Variants in MARCHF4 observed in about 807,000 individuals in gnomAD.
The protein encoded by MARCHF4 is membrane associated ring-CH-type finger 4.
MARCHF4 carries 14 observed loss-of-function variants against 43.9 expected under a neutral mutation model. The observed-to-expected ratio is 0.32, with a 90% CI of 0.21 to 0.50. The LOEUF (loss-of-function observed/expected upper bound fraction) is 0.50, where lower values mean the gene tolerates loss of function less well. Among genes scored for constraint, MARCHF4 ranks in the 20% least tolerant of loss-of-function variants. The pLI is 0.98. For synonymous variants in MARCHF4, 226 were observed against 213.3 expected, an observed-to-expected ratio of 1.06 and a Z score of -0.52; for missense variants, 468 against 536.7, an observed-to-expected ratio of 0.87 and a Z score of 1.27.
At chr2:216,369,643 TACTAAAG>T in intron 1 of MARCHF4, 95 bp downstream of exon 1, 2 of 950,014 alleles carry the variant, frequency 2.1e-6, no homozygotes. Context: ...AGAGTCCTCA[TACTAAAG>T]ACAATATAAC....
rs547410522 is a variant in MARCHF4 at position 216,315,065 on chromosome 2, TA to T, written c.517-31337del. On this transcript the variant is annotated intron_variant, in intron 1 of 3. Transcript: ENST00000273067. ...AATGTCAATATATTATTGTCCTTAC[TA>T]GATTGAAAGTACTTAAAACTAAATA... is the stretch of plus-strand genomic sequence containing the variant. Among the ~76,000 whole-genome samples the T allele has an allele frequency of 5.1e-4, 78 of 152,292 alleles. 2 individuals carry two copies. In the Middle Eastern group the frequency reaches 0.01, roughly 20 times the overall value.
intron 1 of MARCHF4, among the ~76,000 whole-genome samples, chr2:216,365,620 T>C (rs1441165826): frequency 6.6e-6 from 1 of 152,250 alleles, no homozygotes; most frequent in Admixed American, 6.5e-5. Context: ...CTATTTCTTC[T>C]CACTTGGTCT....
chr2:216,293,657 A>C lies in MARCHF4; in HGVS notation c.517-9928T>G, dbSNP rs1417469814. ...CCTCCAAACTATGTTTTTCATTTTC[A>C]CAATAATTATTTTGTTCCTACAGTG... is the stretch of plus-strand genomic sequence containing the variant. On this transcript the variant is annotated intron_variant, in intron 1 of 3. Coordinates refer to ENST00000273067, the MANE Select transcript of MARCHF4 (RefSeq NM_020814.3). Among the ~76,000 whole-genome samples the C allele has an allele frequency of 8.2e-5, 7 of 85,008 alleles. 2 individuals carry two copies. Among genetic ancestry groups the C allele is most frequent in the Non-Finnish European group, 2.5e-4 (7 of 28,538 alleles). The allele number at this position is 85,008 out of a possible 152,430, so 55.8% of individuals were successfully genotyped here. A position where few individuals can be genotyped will look rare whatever the true frequency, so the allele number is the denominator to read the frequency against.
chr2:216,348,328 C>A (rs1404145712), intron 1 of MARCHF4, among the ~76,000 whole-genome samples: 1 of 152,040 alleles, frequency 6.6e-6, no homozygotes, highest in African/African-American at 2.4e-5. Flanking sequence ...CATGAGCCAC[C>A]GTGCCTGGCC....
At position 216,299,257 on chromosome 2, in the gene MARCHF4, G is replaced by T. The variant is rs538925781; in HGVS notation, c.517-15528C>A. Among the ~76,000 whole-genome samples the T allele has an allele frequency of 2.6e-5, 4 of 152,260 alleles. No homozygotes were observed. The South Asian group carries it at 8.3e-4, about 32-fold the overall frequency. On this transcript the variant is annotated intron_variant, in intron 1 of 3. Coordinates refer to ENST00000273067, the MANE Select transcript of MARCHF4 (RefSeq NM_020814.3). ...TCTCAGCCATGAAAGAGAACCAGGGGGTGCCTTGCCAGCTGGAGGCTGCAG... is the reference window on the plus strand; with the variant it reads ...TCTCAGCCATGAAAGAGAACCAGGGTGTGCCTTGCCAGCTGGAGGCTGCAG...
At chr2:216,363,904 AT>A (rs1331809896) in intron 1 of MARCHF4, among the ~76,000 whole-genome samples, 1 of 152,158 alleles carries the variant, frequency 6.6e-6, no homozygotes, top group African/African-American at 2.4e-5. Flanking sequence ...GACCCCTTGA[AT>A]TGGAGAGGCT....
At chr2:216,290,302 G>C (rs1196809935) in intron 1 of MARCHF4, among the ~76,000 whole-genome samples, 1 of 152,152 alleles carries the variant, frequency 6.6e-6, no homozygotes, top group East Asian at 1.9e-4. Flanking sequence ...GTTATTTGGG[G>C]GCTGAGCATT....
At chr2:216,274,718 G>T (rs941368532) in intron 3 of MARCHF4, among the ~76,000 whole-genome samples, 2 of 152,104 alleles carry the variant, frequency 1.3e-5, no homozygotes, top group African/African-American at 4.8e-5. Context: ...TTTCCCCTGT[G>T]GACAGCCTTT....
At chr2:216,318,738 G>A (rs1008057543) in intron 1 of MARCHF4, among the ~76,000 whole-genome samples, 1 of 152,138 alleles carries the variant, frequency 6.6e-6, no homozygotes, top group Non-Finnish European at 1.5e-5. Context: ...CCAGGGCCTT[G>A]CTGTCATGAT....
intron 1 of MARCHF4, among the ~76,000 whole-genome samples, chr2:216,331,192 C>A (rs545397192): frequency 2.6e-5 from 4 of 151,918 alleles, no homozygotes; most frequent in African/African-American, 7.2e-5. Context: ...CACCGCAAAC[C>A]TTTCAGACAC....
chr2:216,317,886 AG>A (rs2105960928), intron 1 of MARCHF4, among the ~76,000 whole-genome samples: 1 of 152,334 alleles, frequency 6.6e-6, no homozygotes, highest in South Asian at 2.1e-4. Flanking sequence ...GTGCTGATGG[AG>A]GACAATAGAA....
At chr2:216,347,859 A>G (rs957151265) in intron 1 of MARCHF4, among the ~76,000 whole-genome samples, 3 of 145,712 alleles carry the variant, frequency 2.1e-5, no homozygotes, top group African/African-American at 7.7e-5. Flanking sequence ...ATTTTGAACT[A>G]CTTCCAGACT....
chr2:216,355,939 C>T (rs1692495151), intron 1 of MARCHF4, among the ~76,000 whole-genome samples: 1 of 152,182 alleles, frequency 6.6e-6, no homozygotes, highest in Non-Finnish European at 1.5e-5. Context: ...GACGCCTCTA[C>T]ACCCTCACCA....
chr2:216,359,150 T>C (rs1002741661), intron 1 of MARCHF4, among the ~76,000 whole-genome samples: 10 of 152,174 alleles, frequency 6.6e-5, no homozygotes, highest in Non-Finnish European at 1.3e-4. Context: ...GGTCAGACTT[T>C]CCCATCTTGC....
intron 1 of MARCHF4, among the ~76,000 whole-genome samples, chr2:216,297,204 G>T (rs1691410599): frequency 6.6e-6 from 1 of 152,158 alleles, no homozygotes. Flanking sequence ...CTGTTTCAAA[G>T]AATTCTACAT....
chr2:216,335,553 A>G (rs1422224516), intron 1 of MARCHF4, among the ~76,000 whole-genome samples: 2 of 152,204 alleles, frequency 1.3e-5, no homozygotes, highest in Non-Finnish European at 2.9e-5. Flanking sequence ...ATACCATCTA[A>G]TATGAAATTC....
intron 1 of MARCHF4, among the ~76,000 whole-genome samples, chr2:216,362,974 C>T (rs1043748624): frequency 1.3e-5 from 2 of 152,078 alleles, no homozygotes; most frequent in East Asian, 1.9e-4. Flanking sequence ...AGCAGCAGCT[C>T]GCTCATTCCC....
chr2:216,320,724 G>A (rs1691879731), intron 1 of MARCHF4, among the ~76,000 whole-genome samples: 1 of 142,376 alleles, frequency 7.0e-6, no homozygotes, highest in Non-Finnish European at 1.5e-5. Context: ...AGGCTGGAGT[G>A]CAATGGCGCG....
At chr2:216,277,276 A>G (rs1691040563) in intron 3 of MARCHF4, among the ~76,000 whole-genome samples, 1 of 152,172 alleles carries the variant, frequency 6.6e-6, no homozygotes, top group South Asian at 2.1e-4. Flanking sequence ...GTCTCTAGGT[A>G]GTTTGCTGTG....
Sources: allele counts gnomAD v4.1 joint callset (sites outside exome capture counted in the v4.1 genomes callset), GRCh38; gene constraint gnomAD v4.1.1; transcripts MANE v1.5; gene names NCBI Gene and HGNC (gene_info 2026-07-23, HGNC 2026-07-21).